Variants in PHEX observed in about 807,000 individuals in gnomAD.
The protein encoded by PHEX is phosphate-regulating neutral endopeptidase PHEX.
PHEX carries 16 observed loss-of-function variants against 68.0 expected under a neutral mutation model. The ratio of observed to expected loss-of-function variants is 0.24; its 90% CI spans 0.16 to 0.36. The LOEUF is 0.36. PHEX is among the 10% of genes least tolerant of loss of function. PHEX has a pLI of 1.00. For missense variants in PHEX, 480 were observed against 575.5 expected (o/e 0.83, Z 1.70); for synonymous variants, 208 against 205.1 (o/e 1.01, Z -0.12).
chrX:22,235,725 C>CCTAT (rs1403581735), intron 20 of PHEX, among the ~76,000 whole-genome samples: 3 of 110,989 alleles, frequency 2.7e-5, no homozygotes, highest in African/African-American at 9.9e-5. Flanking sequence ...TCCCCATTAC[C>CCTAT]CTATCTTATC....
chrX:22,132,563 A>G (rs1453544689), intron 11 of PHEX, among the ~76,000 whole-genome samples: 3 of 112,039 alleles, frequency 2.7e-5, no homozygotes, highest in African/African-American at 6.5e-5. Flanking sequence ...AGTGTGATTC[A>G]TATTGGTGAA....
chrX:22,223,792 T>C (rs1263546557), intron 18 of PHEX, among the ~76,000 whole-genome samples: 1 of 112,700 alleles, frequency 8.9e-6, no homozygotes, highest in Non-Finnish European at 1.9e-5. Context: ...ATTAAATTTT[T>C]TAAGCAGGAG....
chrX:22,169,215 A>G (rs969266291), intron 13 of PHEX, among the ~76,000 whole-genome samples: 1 of 111,990 alleles, frequency 8.9e-6, no homozygotes, highest in Non-Finnish European at 1.9e-5. Flanking sequence ...ATTTTACAAG[A>G]CTATTCAAAA....
intron 14 of PHEX, 82 bp downstream of exon 14, chrX:22,178,458 C>T: frequency 3.4e-6 from 2 of 581,887 alleles, no homozygotes; most frequent in Admixed American, 5.5e-5. Context: ...TTGTAATTCC[C>T]CTCAAGTCAG....
chrX:22,176,400 A>T (rs900279197), intron 13 of PHEX, among the ~76,000 whole-genome samples: 3,228 of 61,423 alleles, frequency 0.053, 67 homozygotes, highest in East Asian at 0.082. Context: ...AAAAAAAAAA[A>T]AAATATATAT....
intron 6 of PHEX, among the ~76,000 whole-genome samples, chrX:22,092,749 C>CTTTTTTTTTTTTTTTTT (rs370527485): frequency 6.4e-5 from 5 of 77,952 alleles, no homozygotes; most frequent in African/African-American, 2.8e-4. Context: ...TTCTTTCTTT[C>CTTTTTTTTTTTTTTTTT]TTTTTTTTTT....
intron 20 of PHEX, among the ~76,000 whole-genome samples, chrX:22,234,235 C>T (rs991653496): frequency 1.8e-5 from 2 of 112,469 alleles, no homozygotes; most frequent in African/African-American, 6.5e-5. Context: ...CGGCCCCTAC[C>T]GGGAGGTGTC....
At chrX:22,206,557 C>A (rs1231835587) in intron 15 of PHEX, among the ~76,000 whole-genome samples, 1 of 111,021 alleles carries the variant, frequency 9.0e-6, no homozygotes, top group Non-Finnish European at 1.9e-5. Flanking sequence ...CGATGAGTTA[C>A]AAAGCAAGAA....
chrX:22,224,947 A>AATTATCATACAGCGCTGGATGATTT (rs1935400851), intron 18 of PHEX, among the ~76,000 whole-genome samples: 1 of 23,247 alleles, frequency 4.3e-5, no homozygotes, highest in Non-Finnish European at 7.9e-5. Flanking sequence ...AAATAACATA[A>AATTATCATACAGCGCTGGATGATTT]ATTATCATAC....
At chrX:22,080,034 T>C (rs1191904451) in intron 5 of PHEX, among the ~76,000 whole-genome samples, 2 of 111,510 alleles carry the variant, frequency 1.8e-5, no homozygotes, top group African/African-American at 6.5e-5. Context: ...AACCAGATAT[T>C]GTGTGCCTCC....
chrX:22,208,164 T>A lies in PHEX; in HGVS notation c.1646-4740T>A, dbSNP rs192221763. On this transcript the variant is annotated intron_variant, in intron 15 of 21. Transcript: ENST00000379374. ...AACATTACGTTTATGTGTAGAGCCC[T>A]TTTTACGAGCCACCACCCCAAATCC... Among the ~76,000 whole-genome samples the A allele has an allele frequency of 1.0e-4, 11 of 109,555 alleles. No individual in the cohort carries two copies. In the East Asian group the frequency reaches 2.9e-3, roughly 29 times the overall value.
chrX:22,075,850 T>G (rs997489378), intron 3 of PHEX, among the ~76,000 whole-genome samples: 1 of 111,826 alleles, frequency 8.9e-6, no homozygotes, highest in Non-Finnish European at 1.9e-5. Flanking sequence ...AATCTTGTCT[T>G]TCCATTTCCT....
At chrX:22,152,673 A>G (rs1295071330) in intron 12 of PHEX, among the ~76,000 whole-genome samples, 2 of 112,273 alleles carry the variant, frequency 1.8e-5, no homozygotes, top group Non-Finnish European at 1.9e-5. Context: ...GTTCAAGAAC[A>G]GGAAAAAGTA....
At chrX:22,197,885 T>C (rs988139339) in intron 15 of PHEX, among the ~76,000 whole-genome samples, 23 of 109,590 alleles carry the variant, frequency 2.1e-4, no homozygotes, top group Non-Finnish European at 3.8e-4. Flanking sequence ...CTTGCAACCT[T>C]GGGCAAGTTA....
intron 5 of PHEX, 83 bp from the exon 6 acceptor site, chrX:22,090,346 G>A (rs1929823782): frequency 1.3e-6 from 1 of 752,273 alleles, no homozygotes; most frequent in East Asian, 3.2e-5. Context: ...TGGCTGGGAT[G>A]CAGACGATTT....
chrX:22,194,356 T>C (rs1569423936), intron 15 of PHEX, among the ~76,000 whole-genome samples: 1 of 111,749 alleles, frequency 8.9e-6, no homozygotes, highest in Non-Finnish European at 1.9e-5. Flanking sequence ...TTTTCTGGAC[T>C]ACAAATTAAG....
At chrX:22,234,833 CCA>C (rs61094602) in intron 20 of PHEX, among the ~76,000 whole-genome samples, 5 of 86,623 alleles carry the variant, frequency 5.8e-5, no homozygotes, top group Admixed American at 1.1e-4. Context: ...AAAAAAAAAA[CCA>C]CACACACACA....
chrX:22,082,615 G>A (rs1291446844), intron 5 of PHEX, among the ~76,000 whole-genome samples: 1 of 112,325 alleles, frequency 8.9e-6, no homozygotes, highest in Admixed American at 9.4e-5. Flanking sequence ...TTAGACCTTT[G>A]TCGGATGCAC....
intron 12 of PHEX, among the ~76,000 whole-genome samples, chrX:22,153,273 C>T (rs773092354): frequency 3.0e-4 from 34 of 112,069 alleles, no homozygotes; most frequent in African/African-American, 1.1e-3. Flanking sequence ...TGTGAGCCAC[C>T]GTACCTGGCC....
Sources: allele counts gnomAD v4.1 joint callset (sites outside exome capture counted in the v4.1 genomes callset), GRCh38; gene constraint gnomAD v4.1.1; transcripts MANE v1.5; gene names NCBI Gene and HGNC (gene_info 2026-07-23, HGNC 2026-07-21).